The following SLC67A1 variants were observed in gnomAD, a reference collection of about 807,000 sequenced individuals.
The protein encoded by SLC67A1 is solute carrier family 67 member A1.
the SLC67A1 span, among the ~76,000 whole-genome samples, chr11:2,907,325 G>A: frequency 1.3e-4 from 20 of 152,338 alleles, 1 homozygote; most frequent in African/African-American, 4.1e-4. This position sits in a 1 kb window ranked among gnomAD's most constrained non-coding sequence, Gnocchi z 6.7. Context: ...GAGGCCAGAA[G>A]TCTGAGATCA....
At chr11:2,903,108 G>A in the SLC67A1 span, 6 of 899,632 alleles carry the variant, frequency 6.7e-6, no homozygotes, top group Admixed American at 3.3e-5. Context: ...GGAGACCAGA[G>A]CTGTCAAAAG....
chr11:2,902,315 A>T, the SLC67A1 span: 1 of 152,080 alleles, frequency 6.6e-6, no homozygotes. Context: ...GTCACCCTGG[A>T]GCGCTCACCC....
At chr11:2,903,603 C>G in the SLC67A1 span, 34 of 1,214,352 alleles carry the variant, frequency 2.8e-5, no homozygotes, top group Admixed American at 1.9e-4. Context: ...GCTGCCAGGG[C>G]CCCTCCCAGT....
the SLC67A1 span, chr11:2,921,043 AC>A: frequency 5.2e-5 from 7 of 135,416 alleles, no homozygotes; most frequent in East Asian, 1.5e-3. Context: ...ACATGGTGAA[AC>A]CCCGTCTCTA....
At chr11:2,911,875 C>T in the SLC67A1 span, among the ~76,000 whole-genome samples, 1 of 152,214 alleles carries the variant, frequency 6.6e-6, no homozygotes, top group Admixed American at 6.5e-5. Context: ...GTCCCTCTCC[C>T]TCCCAGTAGC....
the SLC67A1 span, among the ~76,000 whole-genome samples, chr11:2,913,022 CCCATACGA>C: frequency 6.6e-6 from 1 of 152,074 alleles, no homozygotes. Flanking sequence ...TGAGCAGTGT[CCCATACGA>C]CCCAGGGCAC....
At chr11:2,908,029 A>T in the SLC67A1 span, among the ~76,000 whole-genome samples, 2 of 152,246 alleles carry the variant, frequency 1.3e-5, no homozygotes, top group African/African-American at 4.8e-5. Flanking sequence ...GAGGAGTTGC[A>T]AGGACCTTAG....
At chr11:2,902,154 T>C in the SLC67A1 span, 1 of 151,976 alleles carries the variant, frequency 6.6e-6, no homozygotes, top group Non-Finnish European at 1.5e-5. Context: ...GCTCGGCCAG[T>C]GAGAGCGCAG....
At chr11:2,900,254 T>C in the SLC67A1 span, among the ~76,000 whole-genome samples, 1 of 152,192 alleles carries the variant, frequency 6.6e-6, no homozygotes, top group African/African-American at 2.4e-5. Context: ...CTCTTTGGGC[T>C]GGAATCCCCT....
the SLC67A1 span, chr11:2,922,516 C>T: frequency 1.6e-5 from 25 of 1,612,830 alleles, no homozygotes; most frequent in Admixed American, 1.2e-4. Context: ...ACGTGGTCAC[C>T]GACAGCATGC....
chr11:2,916,458 G>T, the SLC67A1 span: 1 of 610,796 alleles, frequency 1.6e-6, no homozygotes. Context: ...TAATAAATGT[G>T]CTCTGAGGGT....
chr11:2,915,737 A>G, the SLC67A1 span, among the ~76,000 whole-genome samples: 1 of 152,180 alleles, frequency 6.6e-6, no homozygotes, highest in East Asian at 1.9e-4. Flanking sequence ...GGTCCGGCAC[A>G]GGCCTGGAGG....
chr11:2,899,872 TG>T, the SLC67A1 span: 1 of 678,668 alleles, frequency 1.5e-6, no homozygotes, highest in Non-Finnish European at 2.4e-6. Context: ...CGCACACCTC[TG>T]GGCAGTTTGG....
the SLC67A1 span, among the ~76,000 whole-genome samples, chr11:2,913,858 C>T: frequency 1.3e-5 from 2 of 152,156 alleles, no homozygotes; most frequent in South Asian, 2.1e-4. Context: ...CACCGTAGAA[C>T]ACACAGAAGC....
chr11:2,918,206 T>C, the SLC67A1 span: 1 of 789,306 alleles, frequency 1.3e-6, no homozygotes, highest in East Asian at 2.7e-5. Flanking sequence ...ACAGATGTGG[T>C]AGAGCAGGCA....
At chr11:2,917,069 GA>G in the SLC67A1 span, 5 of 216,432 alleles carry the variant, frequency 2.3e-5, no homozygotes, top group Admixed American at 1.4e-4. Flanking sequence ...GACCAGGAGG[GA>G]CCCCCCCAAT....
At chr11:2,905,055 CAGG>C in the SLC67A1 span, among the ~76,000 whole-genome samples, 3 of 152,116 alleles carry the variant, frequency 2.0e-5, no homozygotes, top group African/African-American at 4.8e-5. Flanking sequence ...GAGGCATGGA[CAGG>C]AGGAGAGGGA....
chr11:2,918,717 CT>C, the SLC67A1 span, among the ~76,000 whole-genome samples: 147,944 of 151,622 alleles, frequency 0.98, 72,270 homozygotes, highest in East Asian at 1. Context: ...TTTGAGGGCC[CT>C]TTTTTTTTTG....
the SLC67A1 span, chr11:2,899,841 C>A: frequency 1.1e-6 from 1 of 922,832 alleles, no homozygotes; most frequent in Non-Finnish European, 1.6e-6. Context: ...ACCTCAGCGC[C>A]AGAGGACCCT....
Sources: gnomAD v4.1 joint callset for allele counts (sites outside exome capture counted in the v4.1 genomes callset) on GRCh38, gnomAD v4.1.1 for gene constraint, Gnocchi (gnomAD v3.1) non-coding constraint, MANE v1.5 for transcripts, NCBI Gene and HGNC (gene_info 2026-07-23, HGNC 2026-07-21) for gene names.